Variants in TNIK observed in about 807,000 individuals in gnomAD.
The protein encoded by TNIK is TRAF2 and NCK interacting kinase.
TNIK carries 49 observed loss-of-function variants against 191.3 expected under a neutral mutation model. That is an observed-to-expected ratio of 0.26 (90% confidence interval 0.20 to 0.32). TNIK has a LOEUF of 0.32. Ranked by LOEUF, TNIK falls within the 10% of genes least tolerant of loss-of-function variation. The pLI is 1.00. For missense variants in TNIK, 1,155 were observed against 1,702.3 expected (o/e 0.68, Z 5.66); for synonymous variants, 594 against 600.9 (o/e 0.99, Z 0.17).
intron 18 of TNIK, among the ~76,000 whole-genome samples, chr3:171,114,649 T>C (rs1183378060): frequency 6.6e-6 from 1 of 152,156 alleles, no homozygotes; most frequent in Non-Finnish European, 1.5e-5. Flanking sequence ...ATCATATAAA[T>C]GTAGACCCTA....
chr3:171,176,700 A>G (rs2108785229), intron 8 of TNIK, among the ~76,000 whole-genome samples: 1 of 152,304 alleles, frequency 6.6e-6, no homozygotes, highest in Admixed American at 6.5e-5. Context: ...TGGCCCTTGA[A>G]AGGTGCGGCC....
chr3:171,164,235 A>C (rs1734345942), intron 10 of TNIK, among the ~76,000 whole-genome samples: 1 of 152,242 alleles, frequency 6.6e-6, no homozygotes, highest in Non-Finnish European at 1.5e-5. Context: ...TGGCATGGTG[A>C]GTTCTGAGTC....
intron 2 of TNIK, among the ~76,000 whole-genome samples, chr3:171,237,778 C>T (rs1043867721): frequency 1.3e-5 from 2 of 152,040 alleles, no homozygotes; most frequent in Non-Finnish European, 2.9e-5. Context: ...AAAAATTAGC[C>T]AGACCTAGTG....
At chr3:171,285,567 A>G (rs1577352976) in intron 2 of TNIK, among the ~76,000 whole-genome samples, 1 of 152,336 alleles carries the variant, frequency 6.6e-6, no homozygotes, top group East Asian at 1.9e-4. Context: ...GCACAGTTTA[A>G]ATGTGTTCAT....
At chr3:171,277,511 C>A (rs1408755525) in intron 2 of TNIK, among the ~76,000 whole-genome samples, 16 of 151,170 alleles carry the variant, frequency 1.1e-4, no homozygotes, top group Admixed American at 9.9e-4. Context: ...AAAAAAAAAA[C>A]AAATTTCAGA....
chr3:171,307,401 C>T (rs1251982478), intron 2 of TNIK, among the ~76,000 whole-genome samples: 2 of 152,170 alleles, frequency 1.3e-5, no homozygotes, highest in Non-Finnish European at 2.9e-5. Flanking sequence ...TCCATGTTCA[C>T]TTACTCTAAG....
At chr3:171,416,257 C>T (rs1051203321) in intron 1 of TNIK, among the ~76,000 whole-genome samples, 9 of 151,966 alleles carry the variant, frequency 5.9e-5, no homozygotes, top group African/African-American at 2.2e-4. Context: ...TCATGTGCCC[C>T]TAATCTGATA....
intron 1 of TNIK, among the ~76,000 whole-genome samples, chr3:171,406,031 A>G (rs1721625276): frequency 6.6e-6 from 1 of 152,250 alleles, no homozygotes; most frequent in African/African-American, 2.4e-5. Context: ...CATGTGGCCT[A>G]TATTCTATGA....
At chr3:171,236,221 G>C (rs1166167042) in intron 2 of TNIK, among the ~76,000 whole-genome samples, 1 of 152,182 alleles carries the variant, frequency 6.6e-6, no homozygotes, top group Non-Finnish European at 1.5e-5. Flanking sequence ...ACAATGAACA[G>C]AGATTCCTGT....
At chr3:171,211,406 T>G (rs1214520587) in intron 3 of TNIK, among the ~76,000 whole-genome samples, 165 bp from the exon 4 acceptor site, 1 of 152,174 alleles carries the variant, frequency 6.6e-6, no homozygotes, top group Non-Finnish European at 1.5e-5. Flanking sequence ...CATAATACAT[T>G]GGCTGTCCAA....
intron 2 of TNIK, among the ~76,000 whole-genome samples, chr3:171,356,592 C>G (rs1456242839): frequency 6.6e-6 from 1 of 152,110 alleles, no homozygotes; most frequent in Non-Finnish European, 1.5e-5. Context: ...TCTAAACATG[C>G]AATGGAAGGG....
intron 2 of TNIK, among the ~76,000 whole-genome samples, chr3:171,239,649 G>A (rs958482715): frequency 6.6e-6 from 1 of 152,238 alleles, no homozygotes; most frequent in Non-Finnish European, 1.5e-5. Context: ...TGTCAGCACA[G>A]ACTGCATTTG....
intron 18 of TNIK, among the ~76,000 whole-genome samples, chr3:171,118,602 T>C (rs1377704134): frequency 6.6e-6 from 1 of 152,028 alleles, no homozygotes; most frequent in Non-Finnish European, 1.5e-5. Context: ...TATAGACCAA[T>C]GGAACAGAAC....
intron 2 of TNIK, among the ~76,000 whole-genome samples, chr3:171,277,837 T>G (rs1298845157): frequency 6.6e-6 from 1 of 152,208 alleles, no homozygotes; most frequent in Non-Finnish European, 1.5e-5. Flanking sequence ...ACTAATTTTC[T>G]GGGAAAATGT....
intron 3 of TNIK, 23 bp from the exon 4 acceptor site, chr3:171,211,264 TTC>T (rs1480940646): frequency 1.3e-6 from 2 of 1,574,622 alleles, no homozygotes; most frequent in Non-Finnish European, 1.7e-6. Flanking sequence ...AATATAAAAA[TTC>T]TGTCATGAAA....
intron 2 of TNIK, among the ~76,000 whole-genome samples, chr3:171,289,859 G>T (rs184219311): frequency 7.0e-6 from 1 of 143,032 alleles, no homozygotes; most frequent in Non-Finnish European, 1.5e-5. Flanking sequence ...CCGACATGGC[G>T]CCACTGCACT....
intron 3 of TNIK, 49 bp from the exon 4 acceptor site, chr3:171,211,290 A>G: frequency 6.4e-7 from 1 of 1,560,172 alleles, no homozygotes; most frequent in Non-Finnish European, 8.7e-7. Flanking sequence ...TATGGTTGTT[A>G]GTAGGATTCT....
intron 2 of TNIK, among the ~76,000 whole-genome samples, chr3:171,340,249 T>C (rs1460106128): frequency 6.6e-6 from 1 of 152,168 alleles, no homozygotes; most frequent in East Asian, 1.9e-4. Context: ...GATTAAGGAT[T>C]TTCATTTTCA....
chr3:171,080,999 G>A (rs1720603622), intron 27 of TNIK, among the ~76,000 whole-genome samples: 2 of 152,248 alleles, frequency 1.3e-5, no homozygotes, highest in Admixed American at 1.3e-4. Context: ...CATGAGAAAA[G>A]GAAACTCTTA....
Sources: allele counts gnomAD v4.1 joint callset (sites outside exome capture counted in the v4.1 genomes callset), GRCh38; gene constraint gnomAD v4.1.1; transcripts MANE v1.5; gene names NCBI Gene and HGNC (gene_info 2026-07-23, HGNC 2026-07-21).